The following PDE4D variants were observed in gnomAD, a reference collection of about 807,000 sequenced individuals.
PDE4D encodes 3',5'-cyclic-AMP phosphodiesterase 4D.
In PDE4D, 24 loss-of-function variants were observed where a neutral mutation model predicts 87.4. That is an observed-to-expected ratio of 0.27 (90% CI 0.20 to 0.39). The LOEUF is 0.39. PDE4D is among the 10% of genes least tolerant of loss of function. PDE4D has a pLI of 1.00. For missense variants in PDE4D, 714 were observed against 1,041.0 expected, an observed-to-expected ratio of 0.69 and a Z score of 4.32; for synonymous variants, 384 against 383.2, an observed-to-expected ratio of 1.00 and a Z score of -0.02.
Position 59,784,136 on chromosome 5 carries a change from A to G in PDE4D, c.455+109032T>C, listed in dbSNP as rs116258544. Reference sequence around the variant, plus strand: ...TTAGGACTCATCTGTGTAAGAGAGAAGTCACTGCATATCAGGAAACAGGAT... The same window carrying G: ...TTAGGACTCATCTGTGTAAGAGAGAGGTCACTGCATATCAGGAAACAGGAT... On this transcript the variant is annotated intron_variant, in intron 1 of 14. Transcript: ENST00000340635. Among the ~76,000 whole-genome samples, 155 of 152,264 alleles carry G rather than the reference A, an allele frequency of 1.0e-3. 1 individual carries two copies. The highest frequency in any genetic ancestry group is 3.6e-3 in the African/African-American group (151 of 41,542).
intron 1 of PDE4D, among the ~76,000 whole-genome samples, chr5:60,424,597 G>T (rs9659867): frequency 1.3e-5 from 2 of 152,282 alleles, no homozygotes; most frequent in South Asian, 2.1e-4. Context: ...GCAAAAACTA[G>T]AAGCATTCCC....
intron 1 of PDE4D, chr5:60,459,910 T>C: frequency 1.5e-6 from 1 of 687,480 alleles, no homozygotes; most frequent in Non-Finnish European, 2.7e-6. Context: ...ATCTTCACCT[T>C]CATCTTCATT....
chr5:60,164,470 A>G (rs1189395958), intron 2 of PDE4D, among the ~76,000 whole-genome samples: 1 of 152,166 alleles, frequency 6.6e-6, no homozygotes, highest in Non-Finnish European at 1.5e-5. Context: ...AGCAATCAAA[A>G]ACTCATACTT....
chr5:59,869,651 T>C (rs1747533145), intron 1 of PDE4D, among the ~76,000 whole-genome samples: 1 of 152,164 alleles, frequency 6.6e-6, no homozygotes, highest in South Asian at 2.1e-4. Flanking sequence ...TTCTCGTAAT[T>C]ACCAGTTGAA....
intron 3 of PDE4D, among the ~76,000 whole-genome samples, chr5:59,918,940 C>T (rs184254694): frequency 4.2e-4 from 64 of 152,146 alleles, no homozygotes; most frequent in Admixed American, 7.2e-4. Flanking sequence ...TGTTTTAACC[C>T]AGTAAATTTT....
At chr5:60,027,208 T>C (rs146107826) in intron 2 of PDE4D, among the ~76,000 whole-genome samples, 22 of 152,322 alleles carry the variant, frequency 1.4e-4, no homozygotes, top group African/African-American at 5.3e-4. Flanking sequence ...GATAGTTTCT[T>C]AACCCTTGCT....
chr5:59,780,214 A>C (rs1392177156), intron 1 of PDE4D, among the ~76,000 whole-genome samples: 1 of 152,172 alleles, frequency 6.6e-6, no homozygotes. Flanking sequence ...AAATATTAAA[A>C]AATTAGCTGG....
chr5:59,956,090 G>GT (rs1279730339), intron 3 of PDE4D, among the ~76,000 whole-genome samples: 1 of 152,140 alleles, frequency 6.6e-6, no homozygotes, highest in African/African-American at 2.4e-5. Context: ...TCTGAATCAG[G>GT]TATCAGTGCA....
At position 59,751,610 on chromosome 5, in the gene PDE4D, T is replaced by TGA. The variant is rs1760484377; in HGVS notation, c.455+141556_455+141557dup. 2.0e-5 allele frequency among the ~76,000 whole-genome samples: 3 copies of TGA among 148,314 alleles called. No individual in the cohort carries two copies. In the South Asian group the frequency reaches 6.4e-4, roughly 31 times the overall value. ...GTGTGTGTGTGTGTGTGTGTGTGTG[T>TGA]GATGTGAGAGCGAGCGAGCGAGCAA... On this transcript the variant is annotated intron_variant, in intron 1 of 14. Coordinates refer to ENST00000340635, the MANE Select transcript of PDE4D (RefSeq NM_001104631.2).
chr5:59,338,999 A>G (rs1477637158), intron 1 of PDE4D, among the ~76,000 whole-genome samples: 1 of 152,184 alleles, frequency 6.6e-6, no homozygotes, highest in Non-Finnish European at 1.5e-5. Context: ...ATTTGCAACC[A>G]TTTAGGTCTC....
chr5:59,382,279 C>T (rs1786018274), intron 1 of PDE4D, among the ~76,000 whole-genome samples: 1 of 152,060 alleles, frequency 6.6e-6, no homozygotes, highest in African/African-American at 2.4e-5. Flanking sequence ...ATATATACAA[C>T]AACAACAACC....
intron 1 of PDE4D, among the ~76,000 whole-genome samples, chr5:59,229,885 G>A (rs1006192116): frequency 1.4e-4 from 21 of 152,114 alleles, no homozygotes; most frequent in East Asian, 1.2e-3. Flanking sequence ...TGCAACCTCC[G>A]CCTCCCGCGT....
In PDE4D at chr5:60,008,822, C is replaced by T. The variant is rs552886202; in HGVS notation, c.43-20105G>A. On this transcript the variant is annotated intron_variant, in intron 2 of 16. Coordinates refer to the PDE4D transcript ENST00000502484. ...CCTCAAACAACATTAGTTCCTACTT[C>T]TCTCTGGTGTTTTAGACTTTATATT... Among the ~76,000 whole-genome samples the T allele has an allele frequency of 2.6e-5, 4 of 152,134 alleles. No individual in the cohort carries two copies. The South Asian group carries it at 8.3e-4, about 32-fold the overall frequency.
At chr5:60,225,234 T>TC (rs767192802) in intron 1 of PDE4D, among the ~76,000 whole-genome samples, 1 of 152,110 alleles carries the variant, frequency 6.6e-6, no homozygotes, top group African/African-American at 2.4e-5. Flanking sequence ...AGGATCTTCA[T>TC]CATTAGTCAA....
intron 5 of PDE4D, among the ~76,000 whole-genome samples, chr5:59,073,488 C>A (rs1033100895): frequency 6.4e-4 from 51 of 79,496 alleles, no homozygotes; most frequent in African/African-American, 2.7e-3. Flanking sequence ...GCTGAAGATA[C>A]AGAAAATAAA....
At chr5:59,514,298 G>T (rs190071416) in intron 1 of PDE4D, among the ~76,000 whole-genome samples, 1 of 151,880 alleles carries the variant, frequency 6.6e-6, no homozygotes, top group Admixed American at 6.6e-5. Flanking sequence ...GTAGAGACAG[G>T]GTTTCACCGT....
intron 1 of PDE4D, among the ~76,000 whole-genome samples, chr5:60,506,957 A>T (rs1350426904): frequency 6.6e-6 from 1 of 152,256 alleles, no homozygotes; most frequent in Non-Finnish European, 1.5e-5. Context: ...CTCTAGTCCT[A>T]TTAGCAAAAG....
intron 1 of PDE4D, among the ~76,000 whole-genome samples, chr5:60,192,537 T>A (rs1417626355): frequency 1.3e-5 from 2 of 152,160 alleles, no homozygotes; most frequent in African/African-American, 4.8e-5. Flanking sequence ...AGTAAAGGAA[T>A]TGCTAAATAA....
At chr5:59,984,507 CA>C (rs1218696204) in intron 3 of PDE4D, among the ~76,000 whole-genome samples, 2 of 152,176 alleles carry the variant, frequency 1.3e-5, no homozygotes, top group African/African-American at 4.8e-5. Flanking sequence ...ACAGCATACA[CA>C]CAACCTAACA....
Sources: gnomAD v4.1 joint callset for allele counts (sites outside exome capture counted in the v4.1 genomes callset) on GRCh38, gnomAD v4.1.1 for gene constraint, MANE v1.5 for transcripts, NCBI Gene and HGNC (gene_info 2026-07-23, HGNC 2026-07-21) for gene names.